The following GADL1 variants were observed in gnomAD, a reference collection of about 807,000 sequenced individuals.
GADL1 encodes acidic amino acid decarboxylase GADL1.
A neutral mutation model predicts 69.5 loss-of-function variants in GADL1; 71 were observed. The observed-to-expected ratio is 1.02, with a 90% CI of 0.84 to 1.25. The LOEUF (loss-of-function observed/expected upper bound fraction) is 1.25, where lower values mean the gene tolerates loss of function less well. Ranked by LOEUF, GADL1 falls within the 50% of genes most tolerant of loss-of-function variation. The pLI is 0.00. For synonymous variants in GADL1, 254 were observed against 214.4 expected (o/e 1.18, Z -1.62); for missense variants, 737 against 631.8 (o/e 1.17, Z -1.79).
chr3:30,732,914 G>T (rs548993216), intron 14 of GADL1, among the ~76,000 whole-genome samples: 4 of 152,204 alleles, frequency 2.6e-5, no homozygotes, highest in African/African-American at 9.6e-5. Flanking sequence ...AAAATTAGCT[G>T]GGTGAGGTGC....
chr3:30,782,811 A>AGGG (rs1491221443), intron 13 of GADL1, among the ~76,000 whole-genome samples: 9 of 152,322 alleles, frequency 5.9e-5, no homozygotes, highest in African/African-American at 1.9e-4. Context: ...AAACTAAGAC[A>AGGG]GGGGAGACTA....
intron 14 of GADL1, among the ~76,000 whole-genome samples, chr3:30,736,936 CT>C (rs956870242): frequency 6.6e-6 from 1 of 152,082 alleles, no homozygotes; most frequent in Non-Finnish European, 1.5e-5. Context: ...AAAAAAGTTA[CT>C]TTTTCTTGGA....
intron 14 of GADL1, among the ~76,000 whole-genome samples, chr3:30,769,799 G>GA (rs1696376651): frequency 6.6e-6 from 1 of 152,186 alleles, no homozygotes; most frequent in African/African-American, 2.4e-5. Context: ...TCTAGTAGAT[G>GA]AGAGAGCTCA....
intron 14 of GADL1, among the ~76,000 whole-genome samples, chr3:30,746,733 A>C (rs949026608): frequency 6.6e-6 from 1 of 152,228 alleles, no homozygotes; most frequent in African/African-American, 2.4e-5. Context: ...GTGACATATA[A>C]GTTGGAGATG....
chr3:30,783,569 A>AT (rs1278326033), intron 13 of GADL1, among the ~76,000 whole-genome samples: 1 of 152,242 alleles, frequency 6.6e-6, no homozygotes, highest in Non-Finnish European at 1.5e-5. Flanking sequence ...ATAGACATAC[A>AT]AATGCATATA....
At chr3:30,850,161 C>G in intron 5 of GADL1, 50 bp from the exon 6 acceptor site, 1 of 985,966 alleles carries the variant, frequency 1.0e-6, no homozygotes, top group Non-Finnish European at 1.6e-6. Flanking sequence ...AGTTATAGCT[C>G]GCAAAATGCT....
intron 14 of GADL1, among the ~76,000 whole-genome samples, chr3:30,750,341 C>T (rs561199600): frequency 6.6e-6 from 1 of 152,312 alleles, no homozygotes; most frequent in Admixed American, 6.5e-5. Context: ...AATTCATCCT[C>T]TGGTCACCAG....
At chr3:30,876,814 A>T (rs993434031) in intron 1 of GADL1, among the ~76,000 whole-genome samples, 2 of 151,944 alleles carry the variant, frequency 1.3e-5, no homozygotes, top group Non-Finnish European at 2.9e-5. Context: ...ACATGTGGTA[A>T]CACTAATGTC....
At chr3:30,739,032 C>CA (rs1695578381) in intron 14 of GADL1, among the ~76,000 whole-genome samples, 1 of 152,192 alleles carries the variant, frequency 6.6e-6, no homozygotes, top group Non-Finnish European at 1.5e-5. Flanking sequence ...GGCATAAAGG[C>CA]AAAACTCCTA....
chr3:30,759,350 G>C (rs548262609), intron 14 of GADL1, among the ~76,000 whole-genome samples: 1 of 152,160 alleles, frequency 6.6e-6, no homozygotes, highest in Middle Eastern at 3.2e-3. Flanking sequence ...AGGAGCTCTT[G>C]CCCTTCTTTC....
intron 13 of GADL1, among the ~76,000 whole-genome samples, chr3:30,785,972 AAG>A (rs576270264): frequency 4.4e-4 from 67 of 152,292 alleles, no homozygotes; most frequent in African/African-American, 1.5e-3. Flanking sequence ...ATTTTATAAA[AAG>A]AGAAAACTGT....
intron 4 of GADL1, among the ~76,000 whole-genome samples, chr3:30,854,003 C>G (rs1326824548): frequency 2.6e-5 from 4 of 152,018 alleles, no homozygotes; most frequent in African/African-American, 9.7e-5. Flanking sequence ...TTCTATCTCT[C>G]TCTCTCTTTC....
chr3:30,882,670 GTAGA>G (rs368964464), intron 1 of GADL1, among the ~76,000 whole-genome samples: 2 of 151,930 alleles, frequency 1.3e-5, no homozygotes, highest in African/African-American at 4.8e-5. Context: ...AATTTTTAAG[GTAGA>G]TACTCAGAAG....
intron 14 of GADL1, among the ~76,000 whole-genome samples, chr3:30,768,572 G>GGGGGA (rs895774657): frequency 2.0e-5 from 3 of 149,142 alleles, no homozygotes; most frequent in East Asian, 2.0e-4. Context: ...GGGGTGGGGA[G>GGGGGA]GGGGAGGAGA....
At position 30,768,065 on chromosome 3, in the gene GADL1, A is replaced by C. The variant is rs80315703; in HGVS notation, c.1392+10114T>G. 0.018 allele frequency among the ~76,000 whole-genome samples: 2,566 copies of C among 143,960 alleles called. 162 individuals carry two copies. In the East Asian group the frequency reaches 0.25, roughly 14 times the overall value. The allele number at this position is 143,960 out of a possible 152,430, so 94.4% of individuals were successfully genotyped here. On this transcript the variant is annotated intron_variant, in intron 14 of 14. Coordinates refer to ENST00000282538, the MANE Select transcript of GADL1 (RefSeq NM_207359.3). ...CCCCCCCCTTATCCTTATAACACCC[A>C]ATGTTAGTTAGATTGAAGCTTGTGT...
At chr3:30,815,278 T>C (rs1559507497) in intron 11 of GADL1, among the ~76,000 whole-genome samples, 1 of 152,074 alleles carries the variant, frequency 6.6e-6, no homozygotes, top group East Asian at 1.9e-4. Flanking sequence ...CAAGTGGAAG[T>C]TACTAGTAAA....
chr3:30,833,315 C>T (rs753508268), intron 11 of GADL1, among the ~76,000 whole-genome samples: 20 of 152,082 alleles, frequency 1.3e-4, no homozygotes, highest in Admixed American at 7.2e-4. Flanking sequence ...TCCAACTCTC[C>T]CTAGCATTCC....
rs1697835985 is a variant in GADL1 at position 30,834,224 on chromosome 3, T to C, written c.961A>G (p.Ile321Val). 6.2e-7 allele frequency: 1 copy of C among 1,612,686 alleles called. No homozygotes were observed. The highest frequency in any genetic ancestry group is 8.5e-7 in the Non-Finnish European group (1 of 1,179,064). Residue 321 changes from isoleucine (I) to valine (V), a missense_variant, in exon 10 of 15, where the codon ATC becomes GTC. By Grantham distance (29) the Ile-to-Val change is conservative (BLOSUM62 3). Coordinates refer to ENST00000282538, the MANE Select transcript of GADL1 (RefSeq NM_207359.3). ...CCAGGAAACTACATTTACCTGTGGA[T>C]GCCATGCAGAAGCTTGCGGTGCTTC... ...SRKHRKLLHGIHRADSVAWNP... is the reference protein window; with the variant it reads ...SRKHRKLLHGVHRADSVAWNP...
intron 11 of GADL1, among the ~76,000 whole-genome samples, chr3:30,805,919 A>G (rs1485791000): frequency 1.3e-5 from 2 of 151,730 alleles, no homozygotes; most frequent in Non-Finnish European, 2.9e-5. Flanking sequence ...GGTTCACAAT[A>G]GTTTGCACTC....
Sources: gnomAD v4.1 joint callset for allele counts (sites outside exome capture counted in the v4.1 genomes callset) on GRCh38, gnomAD v4.1.1 for gene constraint, MANE v1.5 for transcripts, NCBI Gene and HGNC (gene_info 2026-07-23, HGNC 2026-07-21) for gene names.